ALDH1A2: variants seen among roughly 807,000 people sequenced by gnomAD.
ALDH1A2 encodes aldehyde dehydrogenase 1 family member A2, also known as retinal dehydrogenase 2.
A neutral mutation model predicts 60.3 loss-of-function variants in ALDH1A2; 27 were observed. That is an observed-to-expected ratio of 0.45 (90% CI 0.33 to 0.62). ALDH1A2 has a LOEUF of 0.62. Ranked by LOEUF, ALDH1A2 falls within the 20% of genes least tolerant of loss-of-function variation. The pLI is 0.02. For synonymous variants in ALDH1A2, 289 were observed against 232.4 expected, an observed-to-expected ratio of 1.24 and a Z score of -2.21; for missense variants, 581 against 643.8, an observed-to-expected ratio of 0.90 and a Z score of 1.06.
At chr15:57,978,872 A>C (rs28497959) in intron 7 of ALDH1A2, among the ~76,000 whole-genome samples, 4,066 of 152,270 alleles carry the variant, frequency 0.027, 178 homozygotes, top group African/African-American at 0.091. Context: ...CCTCGTCTCT[A>C]CTAAAAATAC....
intron 1 of ALDH1A2, chr15:58,014,536 A>T (rs1345756501): frequency 3.8e-6 from 2 of 531,486 alleles, no homozygotes. Flanking sequence ...AGATACAAAT[A>T]AGGATAGAGT....
chr15:58,056,336 G>C (rs1188523740), intron 1 of ALDH1A2, among the ~76,000 whole-genome samples: 3 of 151,940 alleles, frequency 2.0e-5, no homozygotes, highest in African/African-American at 7.3e-5. Context: ...AAGACTTCAA[G>C]GAATACAATT....
Position 58,013,926 on chromosome 15 carries a change from C to T in ALDH1A2, c.295G>A (p.Ala99Thr). 1 of 1,614,174 alleles carries T rather than the reference C, an allele frequency of 6.2e-7. No homozygotes were observed. Among genetic ancestry groups the T allele is most frequent in the Non-Finnish European group, 8.5e-7 (1 of 1,180,022 alleles). The part of the protein sequence containing the change: ...SLGSVWRRMD[A>T]SERGRLLDKL... ...TCCAACAGACGTCCCCTTTCTGAAG[C>T]ATCCATCCTTCTCCACACTGAACCA... The change falls in exon 3 of 13, where the codon GCT (alanine) becomes ACT (threonine). Residue 99 changes from alanine to threonine, a missense_variant. Transcript: ENST00000249750.
chr15:58,002,195 G>A (rs1027205677), intron 4 of ALDH1A2, among the ~76,000 whole-genome samples: 42 of 151,822 alleles, frequency 2.8e-4, no homozygotes, highest in Non-Finnish European at 7.4e-5. Context: ...CTATGAATTT[G>A]GCTGAGCTGT....
At chr15:58,006,146 C>T (rs1446092123) in intron 4 of ALDH1A2, among the ~76,000 whole-genome samples, 2 of 151,514 alleles carry the variant, frequency 1.3e-5, no homozygotes, top group African/African-American at 4.8e-5. Context: ...TACACTGTAC[C>T]CAATATGTAG....
At chr15:57,986,227 G>T (rs938371294) in intron 7 of ALDH1A2, among the ~76,000 whole-genome samples, 1 of 152,034 alleles carries the variant, frequency 6.6e-6, no homozygotes. Flanking sequence ...TAGAGAAAAG[G>T]AAATCCTTTT....
intron 1 of ALDH1A2, chr15:58,065,259 C>A: frequency 2.1e-6 from 1 of 468,304 alleles, no homozygotes; most frequent in Non-Finnish European, 3.9e-6. Flanking sequence ...GGACAGAAAC[C>A]AGCCTCAGAG....
intron 12 of ALDH1A2, among the ~76,000 whole-genome samples, chr15:57,960,277 G>T (rs1296531673): frequency 6.6e-6 from 1 of 152,146 alleles, no homozygotes; most frequent in Admixed American, 6.6e-5. Flanking sequence ...TGTGAACTAG[G>T]CATTTGCTCA....
intron 1 of ALDH1A2, among the ~76,000 whole-genome samples, chr15:58,043,879 AGGAAGAGACAG>A: frequency 6.6e-6 from 1 of 152,138 alleles, no homozygotes; most frequent in Non-Finnish European, 1.5e-5. Context: ...TCCTTTGGTT[AGGAAGAGACAG>A]ATTCACAGAG....
intron 1 of ALDH1A2, among the ~76,000 whole-genome samples, chr15:58,030,444 GC>G (rs1896205098): frequency 1.3e-5 from 2 of 152,110 alleles, no homozygotes; most frequent in African/African-American, 2.4e-5. Context: ...TACTGAATGG[GC>G]AAAAACTAGA....
intron 7 of ALDH1A2, among the ~76,000 whole-genome samples, chr15:57,989,513 T>TATAAAACCTAGTAATTAA (rs1189823917): frequency 1.1e-4 from 16 of 152,184 alleles, no homozygotes. Flanking sequence ...TAACACATCT[T>TATAAAACCTAGTAATTAA]ATAAAACCTA....
At chr15:58,047,828 G>T (rs536914116) in intron 1 of ALDH1A2, among the ~76,000 whole-genome samples, 49 of 151,686 alleles carry the variant, frequency 3.2e-4, no homozygotes, top group Non-Finnish European at 6.0e-4. Context: ...GCTAAAAAGT[G>T]AAAAAAACAC....
Position 58,023,518 on chromosome 15 carries a change from T to C in ALDH1A2, c.118-9237A>G, listed in dbSNP as rs146758594. Among the ~76,000 whole-genome samples, 764 of 152,194 alleles carry C rather than the reference T, an allele frequency of 5.0e-3. 6 individuals carry two copies. Among genetic ancestry groups the C allele is most frequent in the Middle Eastern group, 0.044 (13 of 294 alleles). ...TTGTTATCAGACTGTCTGAAGTCAA[T>C]GATAAAGAGAAAATCCTAACAACAG... On this transcript the variant is annotated intron_variant, in intron 1 of 12. Transcript: ENST00000249750.
At chr15:58,037,927 C>T (rs145711394) in intron 1 of ALDH1A2, among the ~76,000 whole-genome samples, 1 of 151,630 alleles carries the variant, frequency 6.6e-6, no homozygotes, top group African/African-American at 2.4e-5. Context: ...TAACACACAT[C>T]GTAATCTATC....
chr15:58,040,306 G>A (rs2140555230), intron 1 of ALDH1A2, among the ~76,000 whole-genome samples: 1 of 151,972 alleles, frequency 6.6e-6, no homozygotes, highest in African/African-American at 2.4e-5. Context: ...CTCAAGAGCT[G>A]TGCTAATAGA....
intron 7 of ALDH1A2, among the ~76,000 whole-genome samples, chr15:57,968,731 G>T (rs1251518796): frequency 6.6e-6 from 1 of 152,136 alleles, no homozygotes; most frequent in Non-Finnish European, 1.5e-5. Context: ...AAATATTTGG[G>T]GTTGGCAGAC....
chr15:58,024,073 A>G (rs765947412), intron 1 of ALDH1A2, among the ~76,000 whole-genome samples: 4 of 152,212 alleles, frequency 2.6e-5, no homozygotes, highest in Admixed American at 6.5e-5. Context: ...AGCCTGGGCA[A>G]CAAAAGCAAA....
chr15:57,968,922 A>G (rs1435747118), intron 7 of ALDH1A2, among the ~76,000 whole-genome samples: 1 of 152,230 alleles, frequency 6.6e-6, no homozygotes, highest in Non-Finnish European at 1.5e-5. Context: ...AATACCTAAG[A>G]ATAATTTTCC....
In ALDH1A2 at chr15:57,963,909, G is replaced by A. The variant is rs752416528; in HGVS notation, c.1062C>T (p.Asp354=). 5.0e-6 allele frequency: 8 copies of A among 1,614,036 alleles called. 1 individual carries two copies. In the Middle Eastern group the frequency reaches 6.6e-4, roughly 133 times the overall value. The change falls in exon 9 of 13, where the codon GAC becomes GAT. Residue 354 remains aspartate, a synonymous_variant. Coordinates refer to ENST00000249750, the MANE Select transcript of ALDH1A2 (RefSeq NM_003888.4). ...CCTGGGGACCCTGCTCAGTGGTGGG[G>A]TCAAAGGGACTCCCCACTACGCGCC... is the stretch of plus-strand genomic sequence containing the variant. ...AKRRVVGSPF[D]PTTEQGPQID... is the part of the protein sequence containing the mutation.
Sources: gnomAD v4.1 joint callset for allele counts (sites outside exome capture counted in the v4.1 genomes callset) on GRCh38, gnomAD v4.1.1 for gene constraint, MANE v1.5 for transcripts, NCBI Gene and HGNC (gene_info 2026-07-23, HGNC 2026-07-21) for gene names.